STRA6: variants seen among roughly 807,000 people sequenced by gnomAD.
STRA6 encodes receptor for retinol uptake STRA6.
In STRA6, 48 loss-of-function variants were observed where a neutral mutation model predicts 83.6. The observed-to-expected ratio is 0.57, with a 90% confidence interval of 0.46 to 0.73. STRA6 has a LOEUF of 0.73. Ranked by LOEUF, STRA6 falls within the 30% of genes least tolerant of loss-of-function variation. The pLI is 0.00. For missense variants in STRA6, 760 were observed against 838.8 expected (o/e 0.91, Z 1.16); for synonymous variants, 353 against 362.3 (o/e 0.97, Z 0.29).
At chr15:74,205,125 G>A (rs541481522), upstream of STRA6, among the ~76,000 whole-genome samples, 3 of 152,244 alleles carry the variant, frequency 2.0e-5, no homozygotes, top group South Asian at 2.1e-4. Flanking sequence ...GAAGAGAGAC[G>A]GGAGTTGGCT....
rs768870680 is a variant in STRA6 at position 74,180,953 on chromosome 15, G to A, written c.1685-16C>T. The A allele has an allele frequency of 1.8e-5, 29 of 1,613,244 alleles. No homozygotes were observed. Among genetic ancestry groups the A allele is most frequent in the South Asian group, 1.3e-4 (12 of 91,036 alleles). ...GTGTAGTAGCCTGGGGTGGGGTGGC[G>A]GATGGCAATGCTGGGGGAGCAGGGG... On this transcript the variant is annotated splice_polypyrimidine_tract_variant and intron_variant, in intron 17 of 18. Coordinates refer to ENST00000395105, the MANE Select transcript of STRA6 (RefSeq NM_022369.4).
At chr15:74,202,544 G>A in intron 1 of STRA6, 169 bp downstream of exon 1, 1 of 1,482,146 alleles carries the variant, frequency 6.7e-7, no homozygotes, top group Non-Finnish European at 8.9e-7. Context: ...AGAGATAGCT[G>A]TCCCCTTGGG....
chr15:74,182,655 G>A (rs796516810), intron 14 of STRA6, 195 bp from the exon 15 acceptor site: 8 of 591,594 alleles, frequency 1.4e-5, no homozygotes, highest in African/African-American at 1.3e-4. Context: ...CTGTAAAATG[G>A]GGATAATAGT....
chr15:74,180,814 T>C lies in STRA6; in HGVS notation c.1808A>G (p.Gln603Arg). 1 of 1,613,416 alleles carries C rather than the reference T, an allele frequency of 6.2e-7. No homozygotes were observed. Among genetic ancestry groups the C allele is most frequent in the Non-Finnish European group, 8.5e-7 (1 of 1,179,524 alleles). ...SLLPRTMAAP[Q>R]DSLRPGEEDE... ...TTCCTCCCCTGGTCTGAGGCTGTCCTGGGGGGCTGCCATGGTCCTGGGTAG... is the reference window on the plus strand; with the variant it reads ...TTCCTCCCCTGGTCTGAGGCTGTCCCGGGGGGCTGCCATGGTCCTGGGTAG... Residue 603 changes from glutamine (Q) to arginine (R), a missense_variant, in exon 18 of 19, where the codon CAG becomes CGG. Coordinates refer to ENST00000395105, the MANE Select transcript of STRA6 (RefSeq NM_022369.4).
intron 7 of STRA6, chr15:74,194,532 G>A (rs887758797): frequency 2.6e-5 from 11 of 417,838 alleles, no homozygotes; most frequent in African/African-American, 8.3e-5. Context: ...CTCCATGGAC[G>A]GATGGAGAAA....
rs1489819187 is a variant in STRA6, at chr15:74,180,017, G to A, written c.*63C>T. ...TGCTGGGAGGAGAGCCGGGGAGGGA[G>A]GAGGATGGTAGGCAGGAACATGCCT... is the stretch of plus-strand genomic sequence containing the variant. On this transcript the variant is annotated 3_prime_UTR_variant, in exon 19 of 19. Coordinates refer to ENST00000395105, the MANE Select transcript of STRA6 (RefSeq NM_022369.4). 1 of 1,584,132 alleles carries A rather than the reference G, an allele frequency of 6.3e-7. No individual in the cohort carries two copies. Among genetic ancestry groups the A allele is most frequent in the Non-Finnish European group, 8.6e-7 (1 of 1,157,572 alleles).
At chr15:74,181,028 C>T (rs952458511) in intron 17 of STRA6, 91 bp from the exon 18 acceptor site, 29 of 1,543,592 alleles carry the variant, frequency 1.9e-5, no homozygotes, top group Middle Eastern at 1.7e-4. Context: ...AGGGAGTGCA[C>T]GTGCACTCCC....
At chr15:74,203,444 G>T (rs1369847342), upstream of STRA6, among the ~76,000 whole-genome samples, 1 of 152,180 alleles carries the variant, frequency 6.6e-6, no homozygotes, top group African/African-American at 2.4e-5. Context: ...AGGAAGGGGC[G>T]AGAGGCAGAA....
intron 13 of STRA6, among the ~76,000 whole-genome samples, chr15:74,184,554 C>T (rs2073149731): frequency 6.6e-6 from 1 of 152,070 alleles, no homozygotes; most frequent in African/African-American, 2.4e-5. Flanking sequence ...GCTATGCCAC[C>T]AGGCTACCCC....
chr15:74,209,589 A>G, upstream of STRA6: 1 of 677,862 alleles, frequency 1.5e-6, no homozygotes, highest in South Asian at 2.0e-5. Flanking sequence ...TTTCTCTTCT[A>G]TTTCTCACTT....
At chr15:74,181,199 G>A (rs2072964955) in intron 17 of STRA6, 96 bp downstream of exon 17, 4 of 1,548,862 alleles carry the variant, frequency 2.6e-6, no homozygotes, top group African/African-American at 1.4e-5. Flanking sequence ...GCATCGGTGT[G>A]AACTGATCAG....
intron 7 of STRA6, chr15:74,194,822 G>A: frequency 1.2e-5 from 16 of 1,327,400 alleles, no homozygotes; most frequent in Non-Finnish European, 1.4e-5. Flanking sequence ...CACTCTTTGA[G>A]TTCTAGACTG....
In STRA6 at chr15:74,197,860, C is replaced by T. The variant is rs548672721; in HGVS notation, c.114-42G>A. On this transcript the variant is annotated intron_variant, in intron 2 of 18. Transcript: ENST00000395105. ...GGCTGGCTCAGGCCTGCGTCAGGCC[C>T]CCCTGGGTGTGCAGATGGGTCTGGG... 3.7e-6 allele frequency: 6 copies of T among 1,603,278 alleles called. No homozygotes were observed. The South Asian group carries it at 5.5e-5, about 15-fold the overall frequency.
rs351241 is a variant in STRA6, at chr15:74,182,345, C to T, written c.1416G>A (p.Ser472=). The change falls in exon 15 of 19, where the codon TCG becomes TCA. Residue 472 remains serine (S), a splice_region_variant and synonymous_variant. Coordinates refer to ENST00000395105, the MANE Select transcript of STRA6 (RefSeq NM_022369.4). The part of the protein sequence containing the change: ...NLLLFRSLES[S]WPFWLTLALA... Reference sequence around the variant, plus strand: ...CCTCCATGTCTTGTTTCACTCACCACGAGGACTCCAGGGAACGGAAGAGCA... The same window carrying T: ...CCTCCATGTCTTGTTTCACTCACCATGAGGACTCCAGGGAACGGAAGAGCA... 2,566 of 1,614,066 alleles carry T rather than the reference C, an allele frequency of 1.6e-3. 36 individuals are homozygous for T. In the African/African-American group the frequency reaches 0.029, roughly 18 times the overall value.
rs932135380 is a variant in STRA6 at position 74,200,405 on chromosome 15, T to C, written c.113+1750A>G. 9.9e-5 allele frequency among the ~76,000 whole-genome samples: 15 copies of C among 152,172 alleles called. No homozygotes were observed. In the East Asian group the frequency reaches 2.3e-3, roughly 23 times the overall value. ...AGGTGAGATGAGGTTACAGCAAGCA[T>C]GGGAGGCCCCAGGAAGCCACTGAGG... On this transcript the variant is annotated intron_variant, in intron 2 of 18. Transcript: ENST00000395105.
chr15:74,197,892 G>C (rs1047336550), intron 2 of STRA6, 74 bp from the exon 3 acceptor site: 1 of 1,498,982 alleles, frequency 6.7e-7, no homozygotes, highest in Non-Finnish European at 9.2e-7. Context: ...TGGGGTTCAA[G>C]ACTGTTCACA....
At chr15:74,197,209 G>A (rs965704236) in intron 4 of STRA6, 129 bp downstream of exon 4, 1 of 687,854 alleles carries the variant, frequency 1.5e-6, no homozygotes, top group African/African-American at 1.8e-5. Flanking sequence ...GAAAGCTCCA[G>A]GCTGAGGGCG....
rs758812514 is a variant in STRA6, at chr15:74,182,385, T to A, written c.1376A>T (p.His459Leu). The A allele has an allele frequency of 2.5e-6, 4 of 1,613,932 alleles. No individual in the cohort carries two copies. Among genetic ancestry groups the A allele is most frequent in the Non-Finnish European group, 3.4e-6 (4 of 1,179,936 alleles). The part of the protein sequence containing the change: ...LAFLVLMPVL[H>L]GRNLLLFRSL... The stretch of plus-strand genomic sequence containing the variant: ...ACGGAAGAGCAGGAGGTTCCTGCCA[T>A]GGAGCACAGGCATGAGCACCAGGAA... Residue 459 changes from histidine to leucine, a missense_variant, in exon 15 of 19, where the codon CAT (histidine) becomes CTT (leucine). Transcript: ENST00000395105.
chr15:74,192,340 C>T (rs910467271), intron 8 of STRA6, among the ~76,000 whole-genome samples: 3 of 152,136 alleles, frequency 2.0e-5, no homozygotes, highest in African/African-American at 7.2e-5. Flanking sequence ...GGAGGGGACA[C>T]AGGCTTCCTC....
Sources: allele counts gnomAD v4.1 joint callset (sites outside exome capture counted in the v4.1 genomes callset), GRCh38; gene constraint gnomAD v4.1.1; transcripts MANE v1.5; gene names NCBI Gene and HGNC (gene_info 2026-07-23, HGNC 2026-07-21).